PAX3: variants seen among roughly 807,000 people sequenced by gnomAD.
The protein encoded by PAX3 is paired box 3, also known as paired box protein Pax-3.
In PAX3, 14 loss-of-function variants were observed where a neutral mutation model predicts 51.6. The ratio of observed to expected loss-of-function variants is 0.27; its 90% CI spans 0.18 to 0.42. The LOEUF (loss-of-function observed/expected upper bound fraction) is 0.42. Ranked by LOEUF, PAX3 falls within the 10% of genes least tolerant of loss-of-function variation. The pLI is 1.00. For missense variants in PAX3, 540 were observed against 642.8 expected, an observed-to-expected ratio of 0.84 and a Z score of 1.73; for synonymous variants, 280 against 253.4, an observed-to-expected ratio of 1.11 and a Z score of -1.00.
chr2:222,261,808 G>A (rs77570769), intron 4 of PAX3, among the ~76,000 whole-genome samples: 1,575 of 152,280 alleles, frequency 0.01, 25 homozygotes, highest in African/African-American at 0.036. Context: ...GCCATGAGGA[G>A]ATTGACCTTT....
Position 222,203,346 on chromosome 2 carries a change from T to A in PAX3, c.1174-1156A>T, listed in dbSNP as rs188164531. 7.9e-5 allele frequency among the ~76,000 whole-genome samples: 12 copies of A among 152,020 alleles called. No homozygotes were observed. In the East Asian group the frequency reaches 2.3e-3, roughly 30 times the overall value. ...TTCTGTGGCAGGGTTCAAAAGCAAT[T>A]GCAAAAGAAATCTAACGCCAGGTCA... On this transcript the variant is annotated intron_variant, in intron 7 of 8. Coordinates refer to ENST00000392070, the MANE Select transcript of PAX3 (RefSeq NM_181458.4).
intron 7 of PAX3, among the ~76,000 whole-genome samples, chr2:222,206,677 C>G (rs898698242): frequency 1.3e-5 from 2 of 152,040 alleles, no homozygotes; most frequent in African/African-American, 4.8e-5. Context: ...TACAATTGCT[C>G]CATGCCATAT....
chr2:222,232,547 C>T (rs994128332), intron 4 of PAX3, among the ~76,000 whole-genome samples: 8 of 152,166 alleles, frequency 5.3e-5, no homozygotes, highest in Non-Finnish European at 8.8e-5. Context: ...TTAATCTCTT[C>T]TCCTACTCTA....
In PAX3 at chr2:222,220,485, C is replaced by T. The variant is rs535854185; in HGVS notation, c.959-131G>A. The T allele has an allele frequency of 1.0e-4, 85 of 842,956 alleles. No homozygotes were observed. In the East Asian group the frequency reaches 2.0e-3, roughly 19 times the overall value. The allele number at this position is 842,956 out of a possible 1,614,324, so 52.2% of individuals were successfully genotyped here. On this transcript the variant is annotated intron_variant, in intron 6 of 8. Transcript: ENST00000392070. Reference sequence around the variant, plus strand: ...CAAATCAAATGTTCACTTCAAACTGCGTTTCTTAACCTGCAGGTGTAGAAT... The same window carrying T: ...CAAATCAAATGTTCACTTCAAACTGTGTTTCTTAACCTGCAGGTGTAGAAT...
intron 5 of PAX3, among the ~76,000 whole-genome samples, chr2:222,224,774 G>A (rs1397885695): frequency 6.6e-6 from 1 of 152,128 alleles, no homozygotes; most frequent in Non-Finnish European, 1.5e-5. Flanking sequence ...TGGCATGTGT[G>A]AGTGTATAAC....
chr2:222,283,801 C>T (rs1216733404), intron 4 of PAX3, among the ~76,000 whole-genome samples: 2 of 152,238 alleles, frequency 1.3e-5, no homozygotes, highest in Non-Finnish European at 2.9e-5. Context: ...TGTGCCCCAG[C>T]CTGACCTATT....
intron 4 of PAX3, among the ~76,000 whole-genome samples, chr2:222,280,751 A>C (rs1367484863): frequency 6.6e-6 from 1 of 152,184 alleles, no homozygotes; most frequent in Non-Finnish European, 1.5e-5. Context: ...CAGAAACTGA[A>C]TCCAAAGTAG....
Position 222,202,101 on chromosome 2 carries a change from A to G in PAX3, c.1263T>C (p.Pro421=). ...TGCAGCTGGCCGACACCGTGGTGGT[A>G]GGTTCCAGACCCCCGGTGAGAGGGG... The part of the protein sequence containing the change: ...ALSPLTGGLE[P]TTTVSASCSQ... The change falls in exon 8 of 9, where the codon CCT becomes CCC. Residue 421 remains proline (P), a synonymous_variant. Coordinates refer to ENST00000392070, the MANE Select transcript of PAX3 (RefSeq NM_181458.4). 1 of 1,614,000 alleles carries G rather than the reference A, an allele frequency of 6.2e-7. No homozygotes were observed. Among genetic ancestry groups the G allele is most frequent in the African/African-American group, 1.3e-5 (1 of 75,036 alleles).
chr2:222,226,455 C>T (rs2106084590), intron 5 of PAX3, among the ~76,000 whole-genome samples: 2 of 152,172 alleles, frequency 1.3e-5, no homozygotes, highest in Middle Eastern at 6.8e-3. Context: ...TGTGAAAAGA[C>T]CATGGACACA....
intron 5 of PAX3, among the ~76,000 whole-genome samples, chr2:222,227,918 G>A (rs572559509): frequency 6.6e-6 from 1 of 152,186 alleles, no homozygotes; most frequent in African/African-American, 2.4e-5. Context: ...ATTTAGAAGA[G>A]TGTAGAAATA....
intron 4 of PAX3, chr2:222,263,090 GATAAA>G (rs1411847506): frequency 3.9e-5 from 6 of 152,060 alleles, no homozygotes; most frequent in Admixed American, 3.3e-4. Context: ...AAGCACAACT[GATAAA>G]ATAAAAAATT....
At chr2:222,218,787 G>T (rs1477659175) in intron 7 of PAX3, among the ~76,000 whole-genome samples, 1 of 152,112 alleles carries the variant, frequency 6.6e-6, no homozygotes, top group Non-Finnish European at 1.5e-5. Context: ...TTTCAGCTGA[G>T]GTTTAAAGCC....
chr2:222,280,835 C>A (rs1250414113), intron 4 of PAX3, among the ~76,000 whole-genome samples: 2 of 152,164 alleles, frequency 1.3e-5, no homozygotes. Context: ...TGCCCAGTAC[C>A]CAGGCATTCC....
chr2:222,210,305 CA>C (rs1691675960), intron 7 of PAX3, among the ~76,000 whole-genome samples: 1 of 152,088 alleles, frequency 6.6e-6, no homozygotes, highest in African/African-American at 2.4e-5. Flanking sequence ...CCTTATGTTC[CA>C]AAACTTTTTG....
intron 7 of PAX3, among the ~76,000 whole-genome samples, chr2:222,207,222 T>TA (rs1691546315): frequency 6.6e-6 from 1 of 152,196 alleles, no homozygotes; most frequent in Admixed American, 6.6e-5. Flanking sequence ...TCTTTGAGGT[T>TA]AAAAACCTAA....
intron 4 of PAX3, among the ~76,000 whole-genome samples, chr2:222,282,924 G>C (rs1327953963): frequency 1.3e-5 from 2 of 152,198 alleles, no homozygotes; most frequent in African/African-American, 2.4e-5. Context: ...CTCAGATATA[G>C]GGATAGGAGA....
At chr2:222,236,525 A>G (rs1692803443) in intron 4 of PAX3, among the ~76,000 whole-genome samples, 2 of 152,236 alleles carry the variant, frequency 1.3e-5, no homozygotes, top group Admixed American at 1.3e-4. Flanking sequence ...ATTGGATAGG[A>G]GATACAAAGA....
intron 4 of PAX3, among the ~76,000 whole-genome samples, chr2:222,255,775 T>A (rs1693614136): frequency 6.9e-6 from 1 of 145,434 alleles, no homozygotes; most frequent in South Asian, 2.2e-4. Flanking sequence ...GTATGCCCAA[T>A]TATATTCTTT....
intron 7 of PAX3, among the ~76,000 whole-genome samples, chr2:222,216,111 T>C (rs984417938): frequency 6.6e-6 from 1 of 152,030 alleles, no homozygotes; most frequent in Non-Finnish European, 1.5e-5. Context: ...TGCAAGAAAA[T>C]TCAGTCGAAT....
Sources: allele counts gnomAD v4.1 joint callset (sites outside exome capture counted in the v4.1 genomes callset), GRCh38; gene constraint gnomAD v4.1.1; transcripts MANE v1.5; gene names NCBI Gene and HGNC (gene_info 2026-07-23, HGNC 2026-07-21).